The following GNG7 variants were observed in gnomAD, a reference collection of about 807,000 sequenced individuals.
GNG7 encodes the protein guanine nucleotide-binding protein G(I)/G(S)/G(O) subunit gamma-7.
In GNG7, 1 loss-of-function variant was observed where a neutral mutation model predicts 4.0. That is an observed-to-expected ratio of 0.25 (90% CI 0.09 to 1.18). GNG7 has a LOEUF of 1.18. Ranked by LOEUF, GNG7 falls within the 50% of genes most tolerant of loss-of-function variation. GNG7 has a pLI of 0.50. For synonymous variants in GNG7, 34 were observed against 36.9 expected, an observed-to-expected ratio of 0.92 and a Z score of 0.29; for missense variants, 86 against 91.9, an observed-to-expected ratio of 0.94 and a Z score of 0.26.
intron 1 of GNG7, among the ~76,000 whole-genome samples, chr19:2,676,458 G>A (rs1983595089): frequency 6.6e-6 from 1 of 152,120 alleles, no homozygotes; most frequent in Admixed American, 6.6e-5. Flanking sequence ...TGCCGCCCAG[G>A]CTAGAGTGCA....
In GNG7 at chr19:2,512,095, G is replaced by C. The variant is rs1024414701; in HGVS notation, c.*2927C>G. On this transcript the variant is annotated 3_prime_UTR_variant, in exon 5 of 5. Coordinates refer to ENST00000382159, the MANE Select transcript of GNG7 (RefSeq NM_052847.3). This position sits in a 1 kb window ranked among gnomAD's most constrained non-coding sequence, Gnocchi z 4.7. The stretch of plus-strand genomic sequence containing the variant: ...CGCTGCCTTGTGTGTGTGCGTGGGT[G>C]GGGGTGAGTGTCCTTAACTCTCTTT... 3 of 985,628 alleles carry C rather than the reference G, an allele frequency of 3.0e-6. No individual in the cohort carries two copies. Among genetic ancestry groups the C allele is most frequent in the Non-Finnish European group, 3.6e-6 (3 of 829,788 alleles). The allele number at this position is 985,628 out of a possible 1,614,324, so 61.1% of individuals were successfully genotyped here.
chr19:2,652,238 G>A (rs114444904), intron 1 of GNG7, among the ~76,000 whole-genome samples: 2,310 of 152,016 alleles, frequency 0.015, 65 homozygotes, highest in African/African-American at 0.053. Flanking sequence ...TGGAGAATAC[G>A]ATGCCAAGTG....
intron 2 of GNG7, among the ~76,000 whole-genome samples, chr19:2,564,176 C>T (rs1979831091): frequency 6.6e-6 from 1 of 152,166 alleles, no homozygotes; most frequent in Non-Finnish European, 1.5e-5. Context: ...GGCACGTAAC[C>T]TTCTCAGAGA....
At chr19:2,584,654 GGGAAGGAAGGAAAGAAGGAA>G (rs1251485147) in intron 2 of GNG7, among the ~76,000 whole-genome samples, 1 of 88,100 alleles carries the variant, frequency 1.1e-5, no homozygotes, top group African/African-American at 4.8e-5. Context: ...GAGGGAGGGA[GGGAAGGAAGGAAAGAAGGAA>G]GGAAGGAGGG....
At chr19:2,691,399 C>A (rs962314423) in intron 1 of GNG7, among the ~76,000 whole-genome samples, 1 of 151,832 alleles carries the variant, frequency 6.6e-6, no homozygotes, top group Non-Finnish European at 1.5e-5. Flanking sequence ...GAAAAATTAG[C>A]CAGTCGTGGT....
At chr19:2,667,920 A>G (rs1204099858) in intron 1 of GNG7, among the ~76,000 whole-genome samples, 1 of 137,118 alleles carries the variant, frequency 7.3e-6, no homozygotes, top group African/African-American at 2.8e-5. Flanking sequence ...CTCCCAAAAA[A>G]AGAAAAAGCA....
chr19:2,668,228 A>T (rs1462924753), intron 1 of GNG7, among the ~76,000 whole-genome samples: 1 of 151,920 alleles, frequency 6.6e-6, no homozygotes, highest in East Asian at 1.9e-4. Context: ...ATCAAAAAAA[A>T]AAAAGAGACA....
At chr19:2,627,555 C>T (rs1384210328) in intron 2 of GNG7, among the ~76,000 whole-genome samples, 1 of 152,258 alleles carries the variant, frequency 6.6e-6, no homozygotes, top group Non-Finnish European at 1.5e-5. Flanking sequence ...ACCTGGCTTT[C>T]TGTCACTCCC....
chr19:2,670,903 C>T (rs1235755271), intron 1 of GNG7, among the ~76,000 whole-genome samples: 1 of 152,142 alleles, frequency 6.6e-6, no homozygotes, highest in East Asian at 1.9e-4. Flanking sequence ...GATCCTCTGC[C>T]CTGCTGAGGT....
intron 2 of GNG7, among the ~76,000 whole-genome samples, chr19:2,556,647 C>A (rs769486261): frequency 1.3e-5 from 2 of 152,184 alleles, no homozygotes; most frequent in South Asian, 4.1e-4. Flanking sequence ...CGGGAAGCCT[C>A]CTCACCTTGC....
At chr19:2,570,627 G>T (rs1402336101) in intron 2 of GNG7, among the ~76,000 whole-genome samples, 1 of 152,146 alleles carries the variant, frequency 6.6e-6, no homozygotes, top group African/African-American at 2.4e-5. Flanking sequence ...CCCAGGAGGA[G>T]CTTGAGAGAG....
At chr19:2,536,952 A>AT (rs11288292) in intron 3 of GNG7, among the ~76,000 whole-genome samples, 36 of 108,818 alleles carry the variant, frequency 3.3e-4, no homozygotes, top group South Asian at 6.6e-4. Flanking sequence ...TTTTATTTTT[A>AT]TTTTTTTTTT....
At chr19:2,673,954 AT>A (rs1189873489) in intron 1 of GNG7, among the ~76,000 whole-genome samples, 1 of 152,048 alleles carries the variant, frequency 6.6e-6, no homozygotes, top group African/African-American at 2.4e-5. Flanking sequence ...TGTTTCCAAA[AT>A]TCAAAACTAC....
chr19:2,635,578 T>C (rs1260306000), intron 2 of GNG7, among the ~76,000 whole-genome samples: 4 of 129,176 alleles, frequency 3.1e-5, no homozygotes, highest in Non-Finnish European at 6.6e-5. Context: ...AGGTCTCAAC[T>C]TGGGGTGATT....
At chr19:2,670,253 C>T (rs1163689172) in intron 1 of GNG7, among the ~76,000 whole-genome samples, 1 of 152,182 alleles carries the variant, frequency 6.6e-6, no homozygotes, top group East Asian at 1.9e-4. Context: ...GAGACCCACC[C>T]TCCCCTCAGC....
intron 2 of GNG7, among the ~76,000 whole-genome samples, chr19:2,619,301 C>T (rs764306203): frequency 8.5e-5 from 13 of 152,184 alleles, no homozygotes; most frequent in African/African-American, 2.4e-4. Context: ...TATTGGCACA[C>T]GGCCACACCC....
intron 3 of GNG7, among the ~76,000 whole-genome samples, chr19:2,530,796 T>C (rs1978557936): frequency 6.6e-6 from 1 of 152,162 alleles, no homozygotes; most frequent in Admixed American, 6.5e-5. Context: ...TAATGGAGAA[T>C]TTCCAGCCAG....
chr19:2,629,559 G>A (rs1219508761), intron 2 of GNG7, among the ~76,000 whole-genome samples: 2 of 152,202 alleles, frequency 1.3e-5, no homozygotes, highest in African/African-American at 2.4e-5. Context: ...CCACGACAAA[G>A]CCCACCAGAA....
At chr19:2,524,089 C>T (rs904648460) in intron 3 of GNG7, among the ~76,000 whole-genome samples, 2 of 152,230 alleles carry the variant, frequency 1.3e-5, no homozygotes, top group Non-Finnish European at 2.9e-5. Context: ...AACAAACGGG[C>T]TGGCCGCACC....
Sources: allele counts gnomAD v4.1 joint callset (sites outside exome capture counted in the v4.1 genomes callset), GRCh38; gene constraint gnomAD v4.1.1; non-coding constraint Gnocchi (gnomAD v3.1); transcripts MANE v1.5; gene names NCBI Gene and HGNC (gene_info 2026-07-23, HGNC 2026-07-21).